The following ZNF385D variants were observed in gnomAD, a reference collection of about 807,000 sequenced individuals.
ZNF385D encodes the protein zinc finger protein 659.
ZNF385D carries 15 observed loss-of-function variants against 35.8 expected under a neutral mutation model. The ratio of observed to expected loss-of-function variants is 0.42; its 90% confidence interval spans 0.28 to 0.64. ZNF385D has a LOEUF of 0.64. Among genes scored for constraint, ZNF385D ranks in the 30% least tolerant of loss-of-function variants. ZNF385D has a pLI of 0.23. For synonymous variants in ZNF385D, 212 were observed against 186.8 expected (o/e 1.13, Z -1.10); for missense variants, 474 against 494.6 (o/e 0.96, Z 0.39).
intron 3 of ZNF385D, chr3:21,511,515 G>A: frequency 5.5e-6 from 2 of 366,498 alleles, no homozygotes; most frequent in Non-Finnish European, 1.1e-5. Context: ...TAAGCACCCT[G>A]GAGACTGAGA....
intron 1 of ZNF385D, among the ~76,000 whole-genome samples, chr3:21,688,362 T>C (rs1027763617): frequency 1.3e-5 from 2 of 152,144 alleles, no homozygotes; most frequent in Non-Finnish European, 2.9e-5. Context: ...GTCCAGTATT[T>C]ATTATAAATA....
chr3:21,429,544 G>T (rs750906930), intron 5 of ZNF385D, among the ~76,000 whole-genome samples: 9 of 151,852 alleles, frequency 5.9e-5, no homozygotes, highest in Non-Finnish European at 1.0e-4. Context: ...TCACATTTTT[G>T]ATTGTTTCCT....
chr3:22,232,021 C>T lies in ZNF385D; in HGVS notation c.107-62986G>A, dbSNP rs144294065. ...TCCTGAGGCCCCCCAAAAGGAGAAG[C>T]CACTATGTTTCCTGTACAGGCTGCA... On this transcript the variant is annotated intron_variant, in intron 2 of 5. Coordinates refer to the ZNF385D transcript ENST00000494108. Among the ~76,000 whole-genome samples the T allele has an allele frequency of 6.6e-5, 10 of 152,226 alleles. No homozygotes were observed. The East Asian group carries it at 1.7e-3, about 27-fold the overall frequency.
At chr3:22,005,329 C>T (rs183975937) in intron 3 of ZNF385D, among the ~76,000 whole-genome samples, 3 of 152,028 alleles carry the variant, frequency 2.0e-5, no homozygotes, top group Admixed American at 1.3e-4. Context: ...CTCCTATACA[C>T]TGTCAGTGGA....
chr3:22,066,838 A>G (rs1233753206), intron 3 of ZNF385D, among the ~76,000 whole-genome samples: 1 of 152,200 alleles, frequency 6.6e-6, no homozygotes, highest in Non-Finnish European at 1.5e-5. Flanking sequence ...AATTGAAAAT[A>G]TATTTCCTTG....
At chr3:21,667,104 G>C (rs1226643837) in intron 1 of ZNF385D, among the ~76,000 whole-genome samples, 1 of 152,120 alleles carries the variant, frequency 6.6e-6, no homozygotes, top group South Asian at 2.1e-4. Flanking sequence ...AGTAAAGTAA[G>C]ATTTGGTCGA....
intron 2 of ZNF385D, among the ~76,000 whole-genome samples, chr3:21,599,731 G>T (rs2064226596): frequency 6.6e-6 from 1 of 152,214 alleles, no homozygotes; most frequent in African/African-American, 2.4e-5. Flanking sequence ...GAAGCCACTT[G>T]TATTTTGATA....
chr3:21,839,974 T>C (rs1003287794), intron 3 of ZNF385D, among the ~76,000 whole-genome samples: 11 of 152,092 alleles, frequency 7.2e-5, no homozygotes, highest in African/African-American at 2.2e-4. Context: ...TGTTGTTTGA[T>C]GCTTGTGCCT....
chr3:22,032,057 G>A (rs1033951491), intron 3 of ZNF385D, among the ~76,000 whole-genome samples: 4 of 152,190 alleles, frequency 2.6e-5, no homozygotes, highest in Non-Finnish European at 1.5e-5. Flanking sequence ...CTTTGCTCCA[G>A]TTCCCAATAA....
intron 3 of ZNF385D, among the ~76,000 whole-genome samples, chr3:22,111,721 C>A (rs1702547016): frequency 6.6e-6 from 1 of 152,098 alleles, no homozygotes; most frequent in Non-Finnish European, 1.5e-5. Flanking sequence ...GACATCGGAT[C>A]AAACTTTTAT....
chr3:21,647,690 T>C (rs1290256294), intron 2 of ZNF385D, among the ~76,000 whole-genome samples: 2 of 152,210 alleles, frequency 1.3e-5, no homozygotes, highest in African/African-American at 4.8e-5. Context: ...TCCCTTTATA[T>C]TCCTGACTGG....
intron 4 of ZNF385D, among the ~76,000 whole-genome samples, chr3:21,483,801 T>C (rs1704819022): frequency 6.6e-6 from 1 of 152,206 alleles, no homozygotes; most frequent in African/African-American, 2.4e-5. Flanking sequence ...TAAAGTACTT[T>C]TTATATATTC....
intron 2 of ZNF385D, among the ~76,000 whole-genome samples, chr3:21,602,522 T>TTTC (rs1455593111): frequency 1.6e-5 from 1 of 61,846 alleles, no homozygotes; most frequent in African/African-American, 6.7e-5. Context: ...ATTTTCTTTT[T>TTTC]TTTTTTTTTT....
chr3:22,242,753 A>T (rs1699567215), intron 2 of ZNF385D, among the ~76,000 whole-genome samples: 1 of 151,164 alleles, frequency 6.6e-6, no homozygotes, highest in Non-Finnish European at 1.5e-5. Context: ...TAGTTAATGG[A>T]TTATACCAAT....
intron 3 of ZNF385D, among the ~76,000 whole-genome samples, chr3:21,855,616 G>T (rs752203223): frequency 2.6e-5 from 4 of 151,920 alleles, no homozygotes; most frequent in African/African-American, 7.3e-5. Flanking sequence ...ATCCAAATAA[G>T]ATATATACCA....
rs1162834774 is a variant in ZNF385D, at chr3:21,505,336, C to G, written c.439+5525G>C. On this transcript the variant is annotated intron_variant, in intron 4 of 7. Transcript: ENST00000281523. ...AAGCACAAGTGATACTTGAAGGAAG[C>G]CATGATAGTGTTCAAATAGAGACCA... Among the ~76,000 whole-genome samples the G allele has an allele frequency of 3.3e-5, 5 of 151,986 alleles. No individual in the cohort carries two copies. In the South Asian group the frequency reaches 1.0e-3, roughly 32 times the overall value.
intron 3 of ZNF385D, among the ~76,000 whole-genome samples, chr3:22,063,019 T>A (rs1300616160): frequency 6.6e-6 from 1 of 152,108 alleles, no homozygotes; most frequent in Non-Finnish European, 1.5e-5. Flanking sequence ...CTCACAGAAA[T>A]TACACGGGAT....
rs1700665203 is a variant in ZNF385D at position 21,419,892 on chromosome 3, T to C, written c.*1322A>G. 1 of 152,100 alleles carries C rather than the reference T, an allele frequency of 6.6e-6. No homozygotes were observed. The highest frequency in any genetic ancestry group is 1.5e-5 in the Non-Finnish European group (1 of 67,998). 9.4% of individuals were successfully genotyped at this position (152,100 alleles called of 1,614,324 possible). On this transcript the variant is annotated 3_prime_UTR_variant, in exon 8 of 8. Coordinates refer to ENST00000281523, the MANE Select transcript of ZNF385D (RefSeq NM_024697.3). The stretch of plus-strand genomic sequence containing the variant: ...ATTTATATATACCCCTGATAAATCT[T>C]GTTTTAAAGGTAAAACATCAACTTC...
chr3:22,121,670 G>C (rs1703094392), intron 3 of ZNF385D, among the ~76,000 whole-genome samples: 1 of 119,988 alleles, frequency 8.3e-6, no homozygotes, highest in Non-Finnish European at 1.9e-5. Context: ...TGAATGATGT[G>C]ATTTTTTTTT....
Sources: allele counts gnomAD v4.1 joint callset (sites outside exome capture counted in the v4.1 genomes callset), GRCh38; gene constraint gnomAD v4.1.1; transcripts MANE v1.5; gene names NCBI Gene and HGNC (gene_info 2026-07-23, HGNC 2026-07-21).